MEIS1: variants seen among roughly 807,000 people sequenced by gnomAD.
The protein encoded by MEIS1 is Meis homeobox 1.
Under a neutral mutation model 50.8 loss-of-function variants are expected in MEIS1, and 5 were observed. That is an observed-to-expected ratio of 0.10 (90% CI 0.05 to 0.21). MEIS1 has a LOEUF of 0.21. Among genes scored for constraint, MEIS1 ranks in the 10% least tolerant of loss-of-function variants. MEIS1 has a pLI of 1.00. For missense variants in MEIS1, 318 were observed against 517.3 expected (o/e 0.61, Z 3.74); for synonymous variants, 176 against 179.3 (o/e 0.98, Z 0.15).
At chr2:66,495,211 C>T (rs1301382873) in intron 7 of MEIS1, among the ~76,000 whole-genome samples, 1 of 145,442 alleles carries the variant, frequency 6.9e-6, no homozygotes, top group Non-Finnish European at 1.5e-5. Flanking sequence ...ACATTTCATA[C>T]TTTTAAAGTT....
intron 12 of MEIS1, chr2:66,569,622 A>C (rs1406399794): frequency 1.3e-5 from 2 of 152,930 alleles, no homozygotes; most frequent in Non-Finnish European, 2.9e-5. Flanking sequence ...AGGGTAAGTA[A>C]AGGCATATTT....
In MEIS1 at chr2:66,572,802, AT is replaced by A; in HGVS notation, c.*1599del. ...GAAAAATTTGTTTACTGCCCCCCAG[AT>A]TTTTAAAGATTAATACAGTAAATAT... is the stretch of plus-strand genomic sequence containing the variant. On this transcript the variant is annotated 3_prime_UTR_variant, in exon 13 of 13. Transcript: ENST00000272369. The A allele has an allele frequency of 6.6e-6, 1 of 152,298 alleles. No homozygotes were observed. Among genetic ancestry groups the A allele is most frequent in the African/African-American group, 2.4e-5 (1 of 41,574 alleles). The allele number at this position is 152,298 out of a possible 1,614,324, so 9.4% of individuals were successfully genotyped here. A position where few individuals can be genotyped will look rare whatever the true frequency, so the allele number is the denominator to read the frequency against.
intron 6 of MEIS1, among the ~76,000 whole-genome samples, chr2:66,451,093 A>G (rs1672267015): frequency 6.6e-6 from 1 of 152,150 alleles, no homozygotes; most frequent in Non-Finnish European, 1.5e-5. Context: ...ATAGAGGCCA[A>G]AGTCATCAAA....
intron 5 of MEIS1, 106 bp from the exon 6 acceptor site, chr2:66,442,796 C>T (rs982927712): frequency 9.3e-7 from 1 of 1,077,186 alleles, no homozygotes; most frequent in South Asian, 1.8e-5. Flanking sequence ...CCTGTGTTTC[C>T]CCTATTTGGA....
intron 1 of MEIS1, chr2:66,436,872 G>T (rs1340504483): frequency 1.7e-5 from 15 of 891,096 alleles, no homozygotes; most frequent in African/African-American, 7.5e-5. Flanking sequence ...TATGAAAGTA[G>T]TTTTTTTTTT....
At chr2:66,452,714 C>A (rs1313657583) in intron 6 of MEIS1, among the ~76,000 whole-genome samples, 1 of 151,902 alleles carries the variant, frequency 6.6e-6, no homozygotes, top group Non-Finnish European at 1.5e-5. Flanking sequence ...TTTCCCTGTC[C>A]TTAATGTGTT....
At chr2:66,485,177 CCAT>C (rs1386896644) in intron 7 of MEIS1, among the ~76,000 whole-genome samples, 1 of 152,000 alleles carries the variant, frequency 6.6e-6, no homozygotes, top group African/African-American at 2.4e-5. Context: ...TATACATGTC[CCAT>C]GGTGGTTTGC....
intron 7 of MEIS1, among the ~76,000 whole-genome samples, chr2:66,473,766 C>T (rs1172502127): frequency 6.6e-6 from 1 of 152,110 alleles, no homozygotes; most frequent in Non-Finnish European, 1.5e-5. Context: ...AGGTTAACAA[C>T]TTCTAAACTT....
At chr2:66,517,424 C>T (rs556789246) in intron 8 of MEIS1, among the ~76,000 whole-genome samples, 2 of 151,710 alleles carry the variant, frequency 1.3e-5, no homozygotes, top group East Asian at 3.9e-4. Context: ...ATTTTTTTTT[C>T]CTTGCAGATG....
intron 7 of MEIS1, among the ~76,000 whole-genome samples, chr2:66,504,811 G>A (rs551657915): frequency 5.3e-5 from 8 of 152,216 alleles, no homozygotes; most frequent in East Asian, 1.9e-4. Flanking sequence ...AGGTTCCCAC[G>A]TCTAACTCTT....
chr2:66,487,794 G>T (rs989838138), intron 7 of MEIS1, among the ~76,000 whole-genome samples: 20 of 152,152 alleles, frequency 1.3e-4, no homozygotes, highest in African/African-American at 4.8e-4. Flanking sequence ...ACTTCTAAAC[G>T]ACTGAAATTC....
chr2:66,435,943 AG>A (rs1671786898), intron 1 of MEIS1, 75 bp downstream of exon 1: 2 of 1,389,868 alleles, frequency 1.4e-6, no homozygotes, highest in African/African-American at 1.5e-5. Context: ...ACTGCTAAAA[AG>A]TTTCCTTTTT....
chr2:66,530,666 C>T lies in MEIS1; in HGVS notation c.889-17277C>T, dbSNP rs373040038. Among the ~76,000 whole-genome samples, 383 of 151,204 alleles carry T rather than the reference C, an allele frequency of 2.5e-3. 15 individuals are homozygous for T. The South Asian group carries it at 0.077, about 31-fold the overall frequency. ...GGGAGGCGGAGCTTGCAGTGAGCCG[C>T]GATTGCGCCACTGCACTCCAGCCTG... On this transcript the variant is annotated intron_variant, in intron 8 of 12. Transcript: ENST00000272369.
At chr2:66,552,649 C>A (rs910655134) in intron 9 of MEIS1, among the ~76,000 whole-genome samples, 1 of 152,130 alleles carries the variant, frequency 6.6e-6, no homozygotes, top group South Asian at 2.1e-4. Context: ...AGTATGTTAT[C>A]CTTGGAGATT....
chr2:66,455,894 T>C (rs1672376772), intron 6 of MEIS1, among the ~76,000 whole-genome samples: 1 of 152,202 alleles, frequency 6.6e-6, no homozygotes, highest in African/African-American at 2.4e-5. Flanking sequence ...ATGTGATAGG[T>C]GTGTGTTGCG....
Position 66,440,068 on chromosome 2 carries a change from A to ACAC in MEIS1, c.381+84_381+85insCAC, listed in dbSNP as rs1553370177. 3 of 778,610 alleles carry ACAC rather than the reference A, an allele frequency of 3.9e-6. No homozygotes were observed. In the African/African-American group the frequency reaches 5.7e-5, roughly 15 times the overall value. 48.2% of individuals were successfully genotyped at this position (778,610 alleles called of 1,614,324 possible). ...ACACACACGCGCGCGCGCGCGCGCG[A>ACAC]ACACACACACACACACACACACACG... On this transcript the variant is annotated intron_variant, in intron 3 of 12. Transcript: ENST00000272369.
intron 7 of MEIS1, among the ~76,000 whole-genome samples, chr2:66,464,475 A>T (rs1335764730): frequency 6.6e-6 from 1 of 152,226 alleles, no homozygotes; most frequent in African/African-American, 2.4e-5. Context: ...GAAGTAGCTT[A>T]GAAGTTTGAA....
chr2:66,468,405 CTGTT>C (rs1275378691), intron 7 of MEIS1, among the ~76,000 whole-genome samples: 4 of 152,166 alleles, frequency 2.6e-5, no homozygotes, highest in Non-Finnish European at 5.9e-5. Context: ...GGACAGGTCT[CTGTT>C]TTTGCTTTAA....
chr2:66,469,925 A>G (rs1394512373), intron 7 of MEIS1, among the ~76,000 whole-genome samples: 2 of 143,966 alleles, frequency 1.4e-5, no homozygotes, highest in Non-Finnish European at 2.9e-5. Context: ...TTTCTAGACA[A>G]TTTTCTTTAA....
Sources: allele counts gnomAD v4.1 joint callset (sites outside exome capture counted in the v4.1 genomes callset), GRCh38; gene constraint gnomAD v4.1.1; transcripts MANE v1.5; gene names NCBI Gene and HGNC (gene_info 2026-07-23, HGNC 2026-07-21).